Variants in LINGO1 observed in about 807,000 individuals in gnomAD.
The protein encoded by LINGO1 is leucine rich repeat and Ig domain containing 1.
LINGO1 carries 11 observed loss-of-function variants against 37.3 expected under a neutral mutation model. The observed-to-expected ratio is 0.29, with a 90% confidence interval of 0.19 to 0.49. LINGO1 has a LOEUF of 0.49. Among genes scored for constraint, LINGO1 ranks in the 20% least tolerant of loss-of-function variants. LINGO1 has a pLI of 0.99. For missense variants in LINGO1, 585 were observed against 878.2 expected (o/e 0.67, Z 4.22); for synonymous variants, 387 against 403.0 (o/e 0.96, Z 0.48).
chr15:77,730,226 G>A (rs1197488561), intron 2 of LINGO1, among the ~76,000 whole-genome samples: 2 of 152,122 alleles, frequency 1.3e-5, no homozygotes, highest in African/African-American at 4.8e-5. Flanking sequence ...AGAATTTACT[G>A]AGTGCCTACT....
At chr15:77,782,227 A>G (rs944110646) in intron 1 of LINGO1, among the ~76,000 whole-genome samples, 1 of 150,566 alleles carries the variant, frequency 6.6e-6, no homozygotes, top group East Asian at 1.9e-4. Flanking sequence ...ACACACACAC[A>G]CACACACACA....
At chr15:77,794,175 G>A (rs751625857) in intron 2 of LINGO1, among the ~76,000 whole-genome samples, 14 of 151,954 alleles carry the variant, frequency 9.2e-5, no homozygotes, top group Non-Finnish European at 1.3e-4. Flanking sequence ...CAATCCTGAC[G>A]CCATCTTCTC....
At chr15:77,699,772 C>CACCTGCATACAGTA (rs1482949650), upstream of LINGO1, among the ~76,000 whole-genome samples, 11 of 150,222 alleles carry the variant, frequency 7.3e-5, no homozygotes, top group African/African-American at 1.7e-4. Context: ...TACTAACCAT[C>CACCTGCATACAGTA]ATTCCCCCCC....
chr15:77,808,794 G>A (rs986325015), intron 1 of LINGO1, among the ~76,000 whole-genome samples: 12 of 152,188 alleles, frequency 7.9e-5, no homozygotes. Flanking sequence ...AGGATTAAAT[G>A]AGGTAATACA....
At chr15:77,766,683 G>A (rs1217596812) in intron 1 of LINGO1, among the ~76,000 whole-genome samples, 1 of 152,136 alleles carries the variant, frequency 6.6e-6, no homozygotes, top group African/African-American at 2.4e-5. Context: ...CTGCTGCCTT[G>A]GGAAGAAGGT....
chr15:77,779,589 T>C (rs755908690), intron 1 of LINGO1, among the ~76,000 whole-genome samples: 1 of 151,962 alleles, frequency 6.6e-6, no homozygotes, highest in Non-Finnish European at 1.5e-5. Context: ...ACATGCGCAG[T>C]TCACAATAGG....
chr15:77,626,686 A>G (rs1158478774), intron 1 of LINGO1, among the ~76,000 whole-genome samples: 1 of 152,182 alleles, frequency 6.6e-6, no homozygotes, highest in African/African-American at 2.4e-5. Flanking sequence ...AGGCCCAGAG[A>G]GGGGAGCCAA....
At chr15:77,771,200 TATC>T (rs1408980705) in intron 1 of LINGO1, among the ~76,000 whole-genome samples, 3 of 152,206 alleles carry the variant, frequency 2.0e-5, no homozygotes, top group Admixed American at 6.5e-5. Context: ...GATTCTAAGA[TATC>T]ATGATCCTGG....
At chr15:77,685,885 T>C (rs1235570669) in intron 2 of LINGO1, among the ~76,000 whole-genome samples, 1 of 152,070 alleles carries the variant, frequency 6.6e-6, no homozygotes, top group African/African-American at 2.4e-5. Flanking sequence ...AAATTCAAGA[T>C]AATGGGATTT....
rs535741945 is a variant in LINGO1 at position 77,768,906 on chromosome 15, C to T, written c.-257+17963G>A. 5.9e-5 allele frequency among the ~76,000 whole-genome samples: 9 copies of T among 152,310 alleles called. No individual in the cohort carries two copies. The East Asian group carries it at 9.7e-4, about 16-fold the overall frequency. On this transcript the variant is annotated intron_variant, in intron 1 of 3. Coordinates refer to the LINGO1 transcript ENST00000561686. Reference sequence around the variant, plus strand: ...GGGCAGCAGGGGTGTGGCCACAGGTCCCCCTGCCTGGGGTTTCTCTCAGCC... The same window carrying T: ...GGGCAGCAGGGGTGTGGCCACAGGTTCCCCTGCCTGGGGTTTCTCTCAGCC...
intron 2 of LINGO1, among the ~76,000 whole-genome samples, chr15:77,690,116 T>C (rs2075577922): frequency 6.6e-6 from 1 of 152,194 alleles, no homozygotes; most frequent in Non-Finnish European, 1.5e-5. Context: ...GGGAGGGGTC[T>C]CCTTTCTCCT....
intron 1 of LINGO1, among the ~76,000 whole-genome samples, chr15:77,739,009 T>C (rs1254088228): frequency 2.6e-5 from 4 of 152,232 alleles, no homozygotes; most frequent in Non-Finnish European, 4.4e-5. Flanking sequence ...CAGCGCACAC[T>C]GCACAGCAGT....
At chr15:77,765,999 G>A (rs542883590) in intron 1 of LINGO1, among the ~76,000 whole-genome samples, 1 of 152,320 alleles carries the variant, frequency 6.6e-6, no homozygotes, top group South Asian at 2.1e-4. Context: ...CATTTGTTCA[G>A]GGCTAGAGAA....
At chr15:77,697,898 A>G (rs2075717138), upstream of LINGO1, among the ~76,000 whole-genome samples, 1 of 152,194 alleles carries the variant, frequency 6.6e-6, no homozygotes. Flanking sequence ...AGAGGGAGAA[A>G]GCCCCCTCCT....
At chr15:77,804,848 G>A (rs1162760596) in intron 1 of LINGO1, among the ~76,000 whole-genome samples, 2 of 152,178 alleles carry the variant, frequency 1.3e-5, no homozygotes, top group African/African-American at 2.4e-5. Flanking sequence ...CACCTCCCAC[G>A]TTATAGTGAC....
At chr15:77,767,949 T>C (rs1054546204) in intron 1 of LINGO1, among the ~76,000 whole-genome samples, 5 of 152,202 alleles carry the variant, frequency 3.3e-5, no homozygotes, top group Admixed American at 2.0e-4. Context: ...GCCAGTTATT[T>C]AGACGTAGGG....
intron 1 of LINGO1, among the ~76,000 whole-genome samples, chr15:77,693,076 GCACA>G (rs368491086): frequency 6.6e-6 from 1 of 151,898 alleles, no homozygotes; most frequent in Non-Finnish European, 1.5e-5. Flanking sequence ...GTGCACGCGT[GCACA>G]CACACACACG....
At chr15:77,772,816 A>T (rs1383141843) in intron 1 of LINGO1, among the ~76,000 whole-genome samples, 1 of 152,118 alleles carries the variant, frequency 6.6e-6, no homozygotes, top group Non-Finnish European at 1.5e-5. Context: ...GCAGCCAAAA[A>T]CATCATCATA....
At chr15:77,770,167 C>T (rs533034958) in intron 1 of LINGO1, among the ~76,000 whole-genome samples, 60 of 152,220 alleles carry the variant, frequency 3.9e-4, no homozygotes, top group Admixed American at 3.2e-3. Flanking sequence ...CAGCAGGCTC[C>T]GAAACCAATG....
Sources: allele counts gnomAD v4.1 joint callset (sites outside exome capture counted in the v4.1 genomes callset), GRCh38; gene constraint gnomAD v4.1.1; transcripts MANE v1.5; gene names NCBI Gene and HGNC (gene_info 2026-07-23, HGNC 2026-07-21).